RELN: variants seen among roughly 807,000 people sequenced by gnomAD.
RELN encodes the protein reelin.
A neutral mutation model predicts 427.6 loss-of-function variants in RELN; 108 were observed. The observed-to-expected ratio is 0.25, with a 90% CI of 0.22 to 0.30. The LOEUF (loss-of-function observed/expected upper bound fraction) is 0.30, where lower values mean the gene tolerates loss of function less well. Among genes scored for constraint, RELN ranks in the 10% least tolerant of loss-of-function variants. The pLI is 1.00. For synonymous variants in RELN, 1,524 were observed against 1,513.4 expected, an observed-to-expected ratio of 1.01 and a Z score of -0.16; for missense variants, 3,715 against 4,302.8, an observed-to-expected ratio of 0.86 and a Z score of 3.82.
chr7:103,709,799 TTAAA>T (rs1301200158), intron 8 of RELN, among the ~76,000 whole-genome samples: 2 of 152,194 alleles, frequency 1.3e-5, no homozygotes, highest in Non-Finnish European at 2.9e-5. Flanking sequence ...AATATCTACA[TTAAA>T]TAAAAAATAT....
intron 2 of RELN, among the ~76,000 whole-genome samples, chr7:103,856,900 C>T (rs1793961617): frequency 6.7e-6 from 1 of 148,992 alleles, no homozygotes; most frequent in African/African-American, 2.4e-5. Flanking sequence ...CCATCATCAC[C>T]CATACTTTAA....
chr7:103,759,051 T>C (rs1791230516), intron 4 of RELN, among the ~76,000 whole-genome samples: 1 of 152,086 alleles, frequency 6.6e-6, no homozygotes, highest in Non-Finnish European at 1.5e-5. Flanking sequence ...AGCTTAAACA[T>C]GTTAAGAATA....
intron 1 of RELN, among the ~76,000 whole-genome samples, chr7:103,944,970 TC>T (rs1304402161): frequency 2.6e-5 from 4 of 151,870 alleles, no homozygotes; most frequent in Admixed American, 2.0e-4. Flanking sequence ...AAAATCCCAG[TC>T]CCCAGGTATG....
At chr7:103,668,951 G>T (rs777004627) in intron 11 of RELN, among the ~76,000 whole-genome samples, 5 of 152,056 alleles carry the variant, frequency 3.3e-5, no homozygotes, top group Admixed American at 1.3e-4. Flanking sequence ...TGGACTAAAA[G>T]AACCTTCTAT....
Position 103,629,924 on chromosome 7 carries a change from A to G in RELN, c.2702+16T>C. Reference sequence around the variant, plus strand: ...CCTAGTGCAAATTGTAACAATAACAATGATGAAATCCTTACCAAAGGGTCC... The same window carrying G: ...CCTAGTGCAAATTGTAACAATAACAGTGATGAAATCCTTACCAAAGGGTCC... On this transcript the variant is annotated intron_variant, in intron 20 of 64. Transcript: ENST00000428762. 7.0e-7 allele frequency: 1 copy of G among 1,436,940 alleles called. No individual in the cohort carries two copies. Among genetic ancestry groups the G allele is most frequent in the Non-Finnish European group, 9.8e-7 (1 of 1,018,630 alleles). 89.0% of individuals were successfully genotyped at this position (1,436,940 alleles called of 1,614,324 possible).
intron 1 of RELN, among the ~76,000 whole-genome samples, chr7:103,923,068 G>A (rs1212082519): frequency 1.3e-5 from 2 of 152,132 alleles, no homozygotes; most frequent in East Asian, 3.8e-4. Flanking sequence ...AAAAACGCCA[G>A]CAGAATCTAA....
At position 103,809,314 on chromosome 7, in the gene RELN, G is replaced by A. The variant is rs141714084; in HGVS notation, c.473+24223C>T. On this transcript the variant is annotated intron_variant, in intron 3 of 64. Transcript: ENST00000428762. ...GGATTTTCTCCAAATAACGACAGTG[G>A]TAACAAAAGTGGGGGTGAGGGTGCA... Among the ~76,000 whole-genome samples, 215 of 152,244 alleles carry A rather than the reference G, an allele frequency of 1.4e-3. 1 individual carries two copies. Among genetic ancestry groups the A allele is most frequent in the African/African-American group, 5.0e-3 (207 of 41,540 alleles).
intron 42 of RELN, among the ~76,000 whole-genome samples, chr7:103,544,266 T>G (rs1830239326): frequency 8.8e-6 from 1 of 113,514 alleles, no homozygotes; most frequent in African/African-American, 3.3e-5. Context: ...TGAGATGGAG[T>G]CTCGCTCTGT....
chr7:103,508,072 C>G (rs768339151), intron 51 of RELN, among the ~76,000 whole-genome samples: 1 of 152,092 alleles, frequency 6.6e-6, no homozygotes, highest in Non-Finnish European at 1.5e-5. Context: ...AGCCCAGGAC[C>G]AGGTGGATTC....
chr7:103,665,629 C>A (rs1303980474), intron 11 of RELN, among the ~76,000 whole-genome samples: 3 of 151,996 alleles, frequency 2.0e-5, no homozygotes, highest in African/African-American at 7.2e-5. Context: ...ATCTTTCTTT[C>A]TCTCTGGTTG....
intron 41 of RELN, among the ~76,000 whole-genome samples, chr7:103,545,681 C>A (rs1188591786): frequency 6.6e-6 from 1 of 151,714 alleles, no homozygotes; most frequent in African/African-American, 2.4e-5. Context: ...TCACTCTGTC[C>A]CCCAGGCTGG....
At position 103,594,451 on chromosome 7, in the gene RELN, C is replaced by A. The variant is rs1337615733; in HGVS notation, c.3581G>T (p.Cys1194Phe). Residue 1194 changes from cysteine (C) to phenylalanine (F), a missense_variant, in exon 26 of 65, where the codon TGC becomes TTC. Physicochemically the swap from Cys to Phe is radical, Grantham distance 205. Around this residue, in one of 4 missense-constraint regions of RELN, gnomAD observed 2,208 missense variants for 2,361.7 expected, o/e 0.93. Coordinates refer to ENST00000428762, the MANE Select transcript of RELN (RefSeq NM_005045.4). ...LELPAAAKTP[C>F]TRFRWWQPVF... ...GGGCTGCCACCAGCGGAACCTGGTGCAAGGGGTCTTGGCAGCAGCTGGAAG... is the reference window on the plus strand; with the variant it reads ...GGGCTGCCACCAGCGGAACCTGGTGAAAGGGGTCTTGGCAGCAGCTGGAAG... 1.9e-6 allele frequency: 3 copies of A among 1,613,904 alleles called. No homozygotes were observed. In the South Asian group the frequency reaches 3.3e-5, roughly 18 times the overall value.
At chr7:103,940,545 T>C (rs1229587062) in intron 1 of RELN, among the ~76,000 whole-genome samples, 2 of 152,182 alleles carry the variant, frequency 1.3e-5, no homozygotes, top group Non-Finnish European at 2.9e-5. Flanking sequence ...ATCTCTGCTG[T>C]CCAGCAGCTG....
At chr7:103,905,181 G>C (rs1179790207) in intron 2 of RELN, among the ~76,000 whole-genome samples, 2 of 151,714 alleles carry the variant, frequency 1.3e-5, no homozygotes, top group Non-Finnish European at 2.9e-5. Flanking sequence ...GGGTTTCACT[G>C]TATTGGCCAG....
At position 103,551,228 on chromosome 7, in the gene RELN, G is replaced by A. The variant is rs79161241; in HGVS notation, c.6141C>T (p.Phe2047=). ...DPVRLEFSRD[F]GATWHLLLPL... is the part of the protein sequence containing the mutation. ...GCAGCAGAAGGTGCCAGGTCGCCCCGAAGTCCCTTGAAAATTCCAGTCTCA... is the reference window on the plus strand; with the variant it reads ...GCAGCAGAAGGTGCCAGGTCGCCCCAAAGTCCCTTGAAAATTCCAGTCTCA... Residue 2047 remains phenylalanine, a synonymous_variant, in exon 41 of 65, where the codon TTC becomes TTT. Coordinates refer to ENST00000428762, the MANE Select transcript of RELN (RefSeq NM_005045.4). The A allele has an allele frequency of 2.0e-3, 3,255 of 1,614,014 alleles. No homozygotes were observed. Among genetic ancestry groups the A allele is most frequent in the Non-Finnish European group, 2.6e-3 (3,089 of 1,180,006 alleles).
intron 3 of RELN, among the ~76,000 whole-genome samples, chr7:103,795,348 G>C (rs1299170960): frequency 2.6e-5 from 4 of 152,204 alleles, no homozygotes; most frequent in African/African-American, 9.6e-5. Context: ...GCTTGGGCAA[G>C]TCAAAATGTG....
At chr7:103,671,637 T>A (rs1173177718) in intron 11 of RELN, among the ~76,000 whole-genome samples, 1 of 152,156 alleles carries the variant, frequency 6.6e-6, no homozygotes, top group Non-Finnish European at 1.5e-5. Flanking sequence ...GTGTTTTTAC[T>A]TTTTTCATGC....
rs1827895086 is a variant in RELN, at chr7:103,472,699, TA to T, written c.*112del. ...CTCGGTCTTGAGAAGGGCTTTCAGG[TA>T]ATCACCAAGTCCTTCACAGATATTT... On this transcript the variant is annotated 3_prime_UTR_variant, in exon 65 of 65. Coordinates refer to ENST00000428762, the MANE Select transcript of RELN (RefSeq NM_005045.4). The T allele has an allele frequency of 5.9e-6, 5 of 850,554 alleles. No homozygotes were observed. In the South Asian group the frequency reaches 7.2e-5, roughly 12 times the overall value. 52.7% of individuals were successfully genotyped at this position (850,554 alleles called of 1,614,324 possible). A position where few individuals can be genotyped will look rare whatever the true frequency, so the allele number is the denominator to read the frequency against.
chr7:103,636,182 A>C, intron 18 of RELN, 53 bp downstream of exon 18: 1 of 1,180,858 alleles, frequency 8.5e-7, no homozygotes, highest in East Asian at 2.4e-5. Flanking sequence ...AGTATAACTA[A>C]ATTCAACATT....
Sources: gnomAD v4.1 joint callset for allele counts (sites outside exome capture counted in the v4.1 genomes callset) on GRCh38, gnomAD v4.1.1 for gene constraint, gnomAD v4.1.1 regional missense constraint, MANE v1.5 for transcripts, NCBI Gene and HGNC (gene_info 2026-07-23, HGNC 2026-07-21) for gene names.